ERGIC1: variants seen among roughly 807,000 people sequenced by gnomAD.
ERGIC1 encodes the protein endoplasmic reticulum-Golgi intermediate compartment protein 1.
In ERGIC1, 19 loss-of-function variants were observed where a neutral mutation model predicts 38.3. The observed-to-expected ratio is 0.50, with a 90% CI of 0.35 to 0.73. The LOEUF is 0.73. Among genes scored for constraint, ERGIC1 ranks in the 30% least tolerant of loss-of-function variants. ERGIC1 has a pLI of 0.01. For missense variants in ERGIC1, 294 were observed against 389.2 expected (o/e 0.76, Z 2.06); for synonymous variants, 124 against 157.6 (o/e 0.79, Z 1.60).
intron 4 of ERGIC1, among the ~76,000 whole-genome samples, chr5:172,913,710 CA>C (rs1405478953): frequency 6.6e-6 from 1 of 152,134 alleles, no homozygotes; most frequent in Non-Finnish European, 1.5e-5. Context: ...CTACTTGGAC[CA>C]TCTCTGGGGA....
intron 7 of ERGIC1, among the ~76,000 whole-genome samples, chr5:172,928,721 G>GC (rs745582277): frequency 6.6e-6 from 1 of 152,160 alleles, no homozygotes; most frequent in African/African-American, 2.4e-5. Flanking sequence ...AAGAGCTCCT[G>GC]CCAGATGGTG....
At chr5:172,898,008 C>G (rs1230374338) in intron 3 of ERGIC1, 1 of 409,980 alleles carries the variant, frequency 2.4e-6, no homozygotes, top group Non-Finnish European at 4.4e-6. Flanking sequence ...GGACGCCCCT[C>G]TGTGATGGAA....
In ERGIC1 at chr5:172,853,610, C is replaced by T. The variant is rs937832014; in HGVS notation, c.20+19177C>T. Among the ~76,000 whole-genome samples the T allele has an allele frequency of 1.2e-4, 18 of 152,324 alleles. No individual in the cohort carries two copies. In the South Asian group the frequency reaches 1.2e-3, roughly 11 times the overall value. On this transcript the variant is annotated intron_variant, in intron 1 of 9. Coordinates refer to ENST00000393784, the MANE Select transcript of ERGIC1 (RefSeq NM_001031711.3). ...TAAAATGCAGATTCCCATCTCCCCC[C>T]GCCCCGGAGGATGGGATGTGGGAAT...
chr5:172,834,475 G>A lies in ERGIC1; in HGVS notation c.20+42G>A. ...CGGCCAGTCGGGAGTTCCCTCAGCGGGCAGAGGGAGCGCCCCGGCACGCCG... is the reference window on the plus strand; with the variant it reads ...CGGCCAGTCGGGAGTTCCCTCAGCGAGCAGAGGGAGCGCCCCGGCACGCCG... On this transcript the variant is annotated intron_variant, in intron 1 of 9. Transcript: ENST00000393784. The surrounding 1 kb of genome is among the most constrained non-coding windows in gnomAD (Gnocchi z 4.1). The A allele has an allele frequency of 1.5e-6, 2 of 1,294,574 alleles. No homozygotes were observed. The highest frequency in any genetic ancestry group is 2.3e-5 in the South Asian group (1 of 43,654). 80.2% of individuals were successfully genotyped at this position (1,294,574 alleles called of 1,614,324 possible).
chr5:172,839,497 G>T (rs1055993669), intron 1 of ERGIC1, among the ~76,000 whole-genome samples: 1 of 151,966 alleles, frequency 6.6e-6, no homozygotes. Flanking sequence ...CCAGGAGGTG[G>T]AGGCTTCAGT....
At chr5:172,896,061 G>A (rs1222597023) in intron 2 of ERGIC1, among the ~76,000 whole-genome samples, 2 of 152,118 alleles carry the variant, frequency 1.3e-5, no homozygotes, top group African/African-American at 2.4e-5. Flanking sequence ...ATATTGGACC[G>A]GCCGGGTGTA....
chr5:172,947,573 G>A (rs1395435612), intron 9 of ERGIC1, among the ~76,000 whole-genome samples: 2 of 152,208 alleles, frequency 1.3e-5, no homozygotes. Context: ...ACAGATGCGG[G>A]GTGATGGGGG....
At chr5:172,915,961 A>T (rs910990076) in intron 5 of ERGIC1, 1 of 208,186 alleles carries the variant, frequency 4.8e-6, no homozygotes, top group Non-Finnish European at 1.0e-5. Context: ...ACCAGTATGA[A>T]AAGACCAGGA....
chr5:172,881,685 T>C (rs1356169610), intron 1 of ERGIC1, among the ~76,000 whole-genome samples: 1 of 152,224 alleles, frequency 6.6e-6, no homozygotes, highest in East Asian at 1.9e-4. Context: ...GACCATAAAT[T>C]AGATCTGGAT....
Position 172,945,456 on chromosome 5 carries a change from G to A in ERGIC1, c.766-5253G>A, listed in dbSNP as rs372155576. On this transcript the variant is annotated intron_variant, in intron 9 of 9. Transcript: ENST00000393784. Reference sequence around the variant, plus strand: ...TGCTAAAAGTGCCAGAGAGAGAATGGAAGTTGAGACCCAAAGGCGTGCTCT... The same window carrying A: ...TGCTAAAAGTGCCAGAGAGAGAATGAAAGTTGAGACCCAAAGGCGTGCTCT... Among the ~76,000 whole-genome samples the A allele has an allele frequency of 2.6e-5, 4 of 152,296 alleles. No individual in the cohort carries two copies. In the East Asian group the frequency reaches 7.7e-4, roughly 29 times the overall value.
intron 4 of ERGIC1, among the ~76,000 whole-genome samples, chr5:172,912,775 C>CTTTCT (rs1763240098): frequency 6.8e-6 from 1 of 146,132 alleles, no homozygotes; most frequent in Admixed American, 6.8e-5. Flanking sequence ...TTCTTTCTTT[C>CTTTCT]TTTTTTTTTT....
At chr5:172,902,453 G>A (rs1279887447) in intron 3 of ERGIC1, among the ~76,000 whole-genome samples, 4 of 152,216 alleles carry the variant, frequency 2.6e-5, no homozygotes, top group Non-Finnish European at 4.4e-5. Context: ...GCCTGAGGGC[G>A]TCTGAGTGTG....
intron 3 of ERGIC1, among the ~76,000 whole-genome samples, chr5:172,900,220 G>A (rs997290100): frequency 7.4e-4 from 113 of 152,166 alleles, no homozygotes; most frequent in Non-Finnish European, 1.5e-3. Context: ...GAGCATTGGG[G>A]AAGGGCCCTT....
chr5:172,896,292 G>A (rs1013696135), intron 2 of ERGIC1, among the ~76,000 whole-genome samples: 2 of 152,184 alleles, frequency 1.3e-5, no homozygotes, highest in African/African-American at 2.4e-5. Flanking sequence ...GCAGTGAGCC[G>A]AGATTGCGCC....
chr5:172,917,423 G>T (rs894749294), intron 5 of ERGIC1: 1 of 152,234 alleles, frequency 6.6e-6, no homozygotes, highest in Non-Finnish European at 1.5e-5. Flanking sequence ...GGCTCCTTAA[G>T]CCTCCAGGCC....
intron 4 of ERGIC1, among the ~76,000 whole-genome samples, chr5:172,913,559 G>A (rs1395853477): frequency 6.6e-6 from 1 of 152,218 alleles, no homozygotes; most frequent in Non-Finnish European, 1.5e-5. Flanking sequence ...ACACAGAGTT[G>A]TTCCCAATTT....
chr5:172,834,363 G>A lies in ERGIC1; in HGVS notation c.-51G>A. ...GTTGGCAGCGGGCTCGGACCCACGC[G>A]GCGCCGCGGCCCGCCTGGCCTGCAG... On this transcript the variant is annotated 5_prime_UTR_variant, in exon 1 of 10. Transcript: ENST00000393784. This position sits in a 1 kb window ranked among gnomAD's most constrained non-coding sequence, Gnocchi z 4.1. 5 of 1,260,100 alleles carry A rather than the reference G, an allele frequency of 4.0e-6. No individual in the cohort carries two copies. Among genetic ancestry groups the A allele is most frequent in the Non-Finnish European group, 5.0e-6 (5 of 1,002,842 alleles). The allele number at this position is 1,260,100 out of a possible 1,614,324, so 78.1% of individuals were successfully genotyped here.
chr5:172,896,919 C>G, intron 2 of ERGIC1, 83 bp from the exon 3 acceptor site: 135 of 1,286,230 alleles, frequency 1.0e-4, no homozygotes, highest in Non-Finnish European at 1.3e-4. Context: ...GTCCTGGGGC[C>G]TCTTTCCTCT....
intron 1 of ERGIC1, among the ~76,000 whole-genome samples, chr5:172,851,233 G>A (rs1761397366): frequency 6.8e-6 from 1 of 146,452 alleles, no homozygotes; most frequent in East Asian, 2.1e-4. Context: ...AAAAATTCAG[G>A]CACAGTGGCT....
Sources: gnomAD v4.1 joint callset for allele counts (sites outside exome capture counted in the v4.1 genomes callset) on GRCh38, gnomAD v4.1.1 for gene constraint, Gnocchi (gnomAD v3.1) non-coding constraint, MANE v1.5 for transcripts, NCBI Gene and HGNC (gene_info 2026-07-23, HGNC 2026-07-21) for gene names.